The following TRAPPC6B variants were observed in gnomAD, a reference collection of about 807,000 sequenced individuals.
TRAPPC6B encodes the protein trafficking protein particle complex subunit 6B.
TRAPPC6B carries 27 observed loss-of-function variants against 24.7 expected under a neutral mutation model. That is an observed-to-expected ratio of 1.09 (90% CI 0.81 to 1.51). The LOEUF (loss-of-function observed/expected upper bound fraction) is 1.51. Ranked by LOEUF, TRAPPC6B falls within the 40% of genes most tolerant of loss-of-function variation. The probability of loss-of-function intolerance (pLI) is 0.00; values close to 1 mark genes in which losing one functional copy is unlikely to be tolerated. For missense variants in TRAPPC6B, 212 were observed against 190.8 expected, an observed-to-expected ratio of 1.11 and a Z score of -0.66; for synonymous variants, 80 against 66.6, an observed-to-expected ratio of 1.20 and a Z score of -0.98.
intron 5 of TRAPPC6B, among the ~76,000 whole-genome samples, chr14:39,151,459 C>T (rs2052912581): frequency 6.7e-6 from 1 of 149,346 alleles, no homozygotes; most frequent in Non-Finnish European, 1.5e-5. Context: ...TAAAACACTG[C>T]AGGAGATATT....
intron 1 of TRAPPC6B, among the ~76,000 whole-genome samples, chr14:39,166,103 CT>C (rs113849851): frequency 4.4e-4 from 65 of 146,150 alleles, no homozygotes; most frequent in Middle Eastern, 3.5e-3. Flanking sequence ...TGTCCAGCCT[CT>C]TTTTTTTTTT....
chr14:39,170,033 G>T lies in TRAPPC6B; in HGVS notation c.63C>A (p.Ser21=), dbSNP rs1296339999. ...HNEMVSGVYK[S]AEQGEVENGR... ...CACTCACCACCTCCCCCTGCTCCGC[G>T]GACTTGTACACTCCAGACACCATCT... The change falls in exon 1 of 6, where the codon TCC becomes TCA. Residue 21 remains serine, a synonymous_variant. Transcript: ENST00000330149. The T allele has an allele frequency of 5.0e-6, 8 of 1,613,960 alleles. No individual in the cohort carries two copies. In the African/African-American group the frequency reaches 1.1e-4, roughly 22 times the overall value.
intron 5 of TRAPPC6B, 151 bp from the exon 6 acceptor site, chr14:39,150,532 T>C (rs2052899184): frequency 4.9e-6 from 3 of 611,616 alleles, no homozygotes; most frequent in East Asian, 5.8e-5. Context: ...TTCAATAAAG[T>C]CAATTCTATT....
intron 3 of TRAPPC6B, among the ~76,000 whole-genome samples, chr14:39,154,569 A>C (rs2052954154): frequency 6.6e-6 from 1 of 151,978 alleles, no homozygotes; most frequent in African/African-American, 2.4e-5. Context: ...ACAGGCGTGC[A>C]TCACCATGCC....
At chr14:39,161,666 C>T (rs2053060544) in intron 1 of TRAPPC6B, among the ~76,000 whole-genome samples, 1 of 152,206 alleles carries the variant, frequency 6.6e-6, no homozygotes. Context: ...TGAGAGCCAA[C>T]TCTCTTACCG....
chr14:39,161,902 T>A (rs1278787319), intron 1 of TRAPPC6B, among the ~76,000 whole-genome samples: 1 of 152,162 alleles, frequency 6.6e-6, no homozygotes, highest in African/African-American at 2.4e-5. Context: ...AGTGCCACAG[T>A]CCCAGGCCCG....
chr14:39,154,462 C>T (rs1238180475), intron 3 of TRAPPC6B, among the ~76,000 whole-genome samples, 168 bp from the exon 4 acceptor site: 4 of 152,148 alleles, frequency 2.6e-5, no homozygotes, highest in Non-Finnish European at 5.9e-5. Flanking sequence ...CTCTGTCGCC[C>T]AGGGTAGAAT....
chr14:39,165,948 C>A (rs185935214), intron 1 of TRAPPC6B, among the ~76,000 whole-genome samples: 1 of 152,170 alleles, frequency 6.6e-6, no homozygotes, highest in South Asian at 2.1e-4. Flanking sequence ...GGACTACATG[C>A]GTGCACCACC....
At chr14:39,157,437 G>A in intron 3 of TRAPPC6B, 1 of 336,458 alleles carries the variant, frequency 3.0e-6, no homozygotes, top group East Asian at 9.2e-5. Flanking sequence ...CAGGCAAAGG[G>A]GATGTCCCCA....
At chr14:39,161,613 C>T (rs1024974831) in intron 1 of TRAPPC6B, among the ~76,000 whole-genome samples, 3 of 152,162 alleles carry the variant, frequency 2.0e-5, no homozygotes, top group Admixed American at 1.3e-4. Flanking sequence ...CACTTAAGCT[C>T]GCTCACTCCG....
chr14:39,156,486 C>T (rs1443346766), intron 3 of TRAPPC6B, among the ~76,000 whole-genome samples: 1 of 151,982 alleles, frequency 6.6e-6, no homozygotes, highest in African/African-American at 2.4e-5. Flanking sequence ...CCCAGCTATG[C>T]AAGAGGCTGA....
intron 4 of TRAPPC6B, 36 bp from the exon 5 acceptor site, chr14:39,151,875 T>C: frequency 8.0e-6 from 11 of 1,375,502 alleles, no homozygotes; most frequent in Non-Finnish European, 1.1e-5. Context: ...ATAGTAAGGA[T>C]TTACTAAAAT....
intron 1 of TRAPPC6B, among the ~76,000 whole-genome samples, chr14:39,168,307 C>T (rs1418654559): frequency 6.7e-6 from 1 of 150,206 alleles, no homozygotes; most frequent in Admixed American, 6.6e-5. Context: ...TTGGGGGGAT[C>T]GGGGGTTATG....
chr14:39,152,550 G>A (rs990361904), intron 4 of TRAPPC6B, among the ~76,000 whole-genome samples: 6 of 151,918 alleles, frequency 3.9e-5, no homozygotes, highest in Admixed American at 1.3e-4. Flanking sequence ...CATTATCTAC[G>A]AATAATATAA....
intron 3 of TRAPPC6B, among the ~76,000 whole-genome samples, chr14:39,154,554 G>C (rs1273008298): frequency 1.3e-5 from 2 of 151,944 alleles, no homozygotes; most frequent in African/African-American, 4.8e-5. Context: ...CAAGTAGCTG[G>C]GACTACAGGC....
chr14:39,148,647 C>A lies in TRAPPC6B; in HGVS notation c.*1703G>T. The A allele has an allele frequency of 2.5e-6, 1 of 398,364 alleles. No homozygotes were observed. The highest frequency in any genetic ancestry group is 1.3e-4 in the South Asian group (1 of 7,832). 24.7% of individuals were successfully genotyped at this position (398,364 alleles called of 1,614,324 possible). A position where few individuals can be genotyped will look rare whatever the true frequency, so the allele number is the denominator to read the frequency against. ...TCTGTGTCATTAGCTATTCCTGGGTCATTATGACTTTTAATAAACTTTATA... is the reference window on the plus strand; with the variant it reads ...TCTGTGTCATTAGCTATTCCTGGGTAATTATGACTTTTAATAAACTTTATA... On this transcript the variant is annotated 3_prime_UTR_variant, in exon 6 of 6. Coordinates refer to ENST00000330149, the MANE Select transcript of TRAPPC6B (RefSeq NM_001079537.2).
intron 1 of TRAPPC6B, among the ~76,000 whole-genome samples, chr14:39,161,740 T>A (rs2053061675): frequency 6.6e-6 from 1 of 152,108 alleles, no homozygotes; most frequent in Non-Finnish European, 1.5e-5. Flanking sequence ...AGCCTCCAGG[T>A]ACACTTCACT....
At position 39,150,284 on chromosome 14, in the gene TRAPPC6B, C is replaced by A; in HGVS notation, c.*66G>T. The stretch of plus-strand genomic sequence containing the variant: ...GAACAATGTAATTAAATCATCACTA[C>A]TTGAAATACTTTTACATGAATAATT... On this transcript the variant is annotated 3_prime_UTR_variant, in exon 6 of 6. Transcript: ENST00000330149. 1 of 1,333,406 alleles carries A rather than the reference C, an allele frequency of 7.5e-7. No homozygotes were observed. Among genetic ancestry groups the A allele is most frequent in the South Asian group, 1.3e-5 (1 of 77,596 alleles). The allele number at this position is 1,333,406 out of a possible 1,614,324, so 82.6% of individuals were successfully genotyped here. A position where few individuals can be genotyped will look rare whatever the true frequency, so the allele number is the denominator to read the frequency against.
chr14:39,152,519 T>G (rs2052927076), intron 4 of TRAPPC6B, among the ~76,000 whole-genome samples: 1 of 152,174 alleles, frequency 6.6e-6, no homozygotes, highest in Non-Finnish European at 1.5e-5. Context: ...ACATCTATAC[T>G]GCATGATGTT....
Sources: allele counts gnomAD v4.1 joint callset (sites outside exome capture counted in the v4.1 genomes callset), GRCh38; gene constraint gnomAD v4.1.1; transcripts MANE v1.5; gene names NCBI Gene and HGNC (gene_info 2026-07-23, HGNC 2026-07-21).